Variants in AHI1 observed in about 807,000 individuals in gnomAD.
AHI1 encodes the protein Abelson helper integration site 1.
In AHI1, 123 loss-of-function variants were observed where a neutral mutation model predicts 149.3. The observed-to-expected ratio is 0.82, with a 90% CI of 0.71 to 0.96. The LOEUF (loss-of-function observed/expected upper bound fraction) is 0.96. Among genes scored for constraint, AHI1 ranks in the 40% least tolerant of loss-of-function variants. The pLI is 0.00. For missense variants in AHI1, 1,439 were observed against 1,422.7 expected, an observed-to-expected ratio of 1.01 and a Z score of -0.18; for synonymous variants, 475 against 459.8, an observed-to-expected ratio of 1.03 and a Z score of -0.42.
chr6:135,495,022 G>T (rs965801043), intron 3 of AHI1, among the ~76,000 whole-genome samples: 2 of 152,206 alleles, frequency 1.3e-5, no homozygotes, highest in African/African-American at 4.8e-5. Flanking sequence ...GACACCTGTA[G>T]AAGGGACATG....
At chr6:135,391,447 C>T (rs1279660040) in intron 23 of AHI1, among the ~76,000 whole-genome samples, 1 of 152,148 alleles carries the variant, frequency 6.6e-6, no homozygotes, top group Non-Finnish European at 1.5e-5. Context: ...ACAGTAGAAT[C>T]TAATGATGTC....
Position 135,290,447 on chromosome 6 carries a change from T to G in AHI1, c.3564A>C (p.Ala1188=). 6.2e-7 allele frequency: 1 copy of G among 1,609,386 alleles called. No homozygotes were observed. Among genetic ancestry groups the G allele is most frequent in the Non-Finnish European group, 8.5e-7 (1 of 1,175,650 alleles). ...CCTCTATTAGAGTGACTTTTCTGCC[T>G]GCTTGCTTGTTCTTCCTCATCCGTG... is the stretch of plus-strand genomic sequence containing the variant. The part of the protein sequence containing the change: ...MDTRMRKNKQ[A]GRKVTLIE The change falls in exon 28 of 29, where the codon GCA becomes GCC. Residue 1188 remains alanine, a synonymous_variant. Transcript: ENST00000265602.
intron 21 of AHI1, among the ~76,000 whole-genome samples, chr6:135,406,409 G>A (rs1780801987): frequency 6.6e-6 from 1 of 152,194 alleles, no homozygotes; most frequent in South Asian, 2.1e-4. Flanking sequence ...CCCAGCTCCA[G>A]TGCTTACTAC....
chr6:135,365,002 G>A (rs1055461814), intron 23 of AHI1, among the ~76,000 whole-genome samples: 1 of 152,192 alleles, frequency 6.6e-6, no homozygotes, highest in African/African-American at 2.4e-5. Flanking sequence ...TTTGTATAAA[G>A]TGAGAGATGA....
chr6:135,302,263 A>G (rs770606378), intron 26 of AHI1: 16 of 985,390 alleles, frequency 1.6e-5, no homozygotes, highest in Non-Finnish European at 1.9e-5. Context: ...TTTTCAAAAA[A>G]CTCAACATTA....
chr6:135,434,180 C>T (rs1785051284), intron 15 of AHI1, among the ~76,000 whole-genome samples: 1 of 151,394 alleles, frequency 6.6e-6, no homozygotes, highest in Non-Finnish European at 1.5e-5. Context: ...GAGTCTGTTA[C>T]AAGATTACTG....
intron 24 of AHI1, among the ~76,000 whole-genome samples, chr6:135,330,449 C>T (rs78154706): frequency 9.8e-4 from 149 of 152,228 alleles, no homozygotes; most frequent in Non-Finnish European, 1.6e-3. Flanking sequence ...TTTTCACTAA[C>T]GTATGTACAC....
At chr6:135,424,022 G>A (rs1002300925) in intron 20 of AHI1, among the ~76,000 whole-genome samples, 1 of 151,968 alleles carries the variant, frequency 6.6e-6, no homozygotes, top group Admixed American at 6.6e-5. Flanking sequence ...TTCCATCTTT[G>A]CTTCTTACAA....
At chr6:135,452,010 G>T (rs1535436) in intron 11 of AHI1, among the ~76,000 whole-genome samples, 1 of 152,114 alleles carries the variant, frequency 6.6e-6, no homozygotes, top group Non-Finnish European at 1.5e-5. Context: ...CCTGGTGGCT[G>T]TTCAGCCCTT....
At chr6:135,413,906 A>G (rs1292529990) in intron 20 of AHI1, among the ~76,000 whole-genome samples, 1 of 152,182 alleles carries the variant, frequency 6.6e-6, no homozygotes, top group Non-Finnish European at 1.5e-5. Context: ...AATATTGGTA[A>G]GATGTAAATT....
chr6:135,377,745 TAC>T (rs1188335073), intron 23 of AHI1, among the ~76,000 whole-genome samples: 2 of 152,004 alleles, frequency 1.3e-5, no homozygotes, highest in African/African-American at 4.8e-5. Context: ...CCTCCCAAAG[TAC>T]CAGGCGCATG....
At chr6:135,477,230 C>T (rs556996604) in intron 5 of AHI1, among the ~76,000 whole-genome samples, 3 of 151,784 alleles carry the variant, frequency 2.0e-5, no homozygotes, top group East Asian at 1.9e-4. Flanking sequence ...TTAGTAGAGA[C>T]GGGGTTTCAC....
chr6:135,455,408 T>C (rs190158003), intron 10 of AHI1, among the ~76,000 whole-genome samples: 1 of 152,350 alleles, frequency 6.6e-6, no homozygotes, highest in East Asian at 1.9e-4. Flanking sequence ...GTTTATGCTT[T>C]GTGAAATGGG....
chr6:135,340,364 C>T (rs1790101215), intron 24 of AHI1, among the ~76,000 whole-genome samples: 1 of 150,288 alleles, frequency 6.7e-6, no homozygotes, highest in Admixed American at 6.6e-5. Context: ...GAGCGAGACT[C>T]TGTCTCAAAA....
Position 135,467,618 on chromosome 6 carries a change from C to T in AHI1, c.152G>A (p.Ser51Asn), listed in dbSNP as rs759236704. The T allele has an allele frequency of 6.2e-7, 1 of 1,607,116 alleles. No homozygotes were observed. Among genetic ancestry groups the T allele is most frequent in the Non-Finnish European group, 8.5e-7 (1 of 1,175,514 alleles). Reference sequence around the variant, plus strand: ...AGTTTCTTTCATATAGTGAAGATTGCTTCTAATAGTGTCAGGCTAAAAAGG... The same window carrying T: ...AGTTTCTTTCATATAGTGAAGATTGTTTCTAATAGTGTCAGGCTAAAAAGG... ...EENISPDTIR[S>N]NLHYMKETTS... is the part of the protein sequence containing the mutation. The change falls in exon 6 of 29, where the codon AGC becomes AAC. Residue 51 changes from serine to asparagine, a missense_variant. Physicochemically the swap from Ser to Asn is conservative, Grantham distance 46. Transcript: ENST00000265602.
At chr6:135,442,920 T>C (rs1453261739) in intron 13 of AHI1, among the ~76,000 whole-genome samples, 1 of 152,178 alleles carries the variant, frequency 6.6e-6, no homozygotes, top group Non-Finnish European at 1.5e-5. Flanking sequence ...GGGTTTGTTC[T>C]TCATGTTTAA....
chr6:135,295,459 T>C (rs376439216), intron 27 of AHI1, among the ~76,000 whole-genome samples: 35 of 152,204 alleles, frequency 2.3e-4, no homozygotes, highest in African/African-American at 6.5e-4. Flanking sequence ...TTCAGTGATA[T>C]GATGTTAAAC....
chr6:135,342,230 A>G (rs149642535), intron 24 of AHI1, among the ~76,000 whole-genome samples: 1 of 152,000 alleles, frequency 6.6e-6, no homozygotes, highest in Non-Finnish European at 1.5e-5. Flanking sequence ...GAAAGATGCA[A>G]CTTAAAACTG....
chr6:135,380,719 T>C (rs1200169525), intron 23 of AHI1, among the ~76,000 whole-genome samples: 1 of 145,318 alleles, frequency 6.9e-6, no homozygotes, highest in Non-Finnish European at 1.5e-5. Flanking sequence ...AAACATCTTT[T>C]TAAGTAAAAT....
Sources: allele counts gnomAD v4.1 joint callset (sites outside exome capture counted in the v4.1 genomes callset), GRCh38; gene constraint gnomAD v4.1.1; transcripts MANE v1.5; gene names NCBI Gene and HGNC (gene_info 2026-07-23, HGNC 2026-07-21).